The following MGAT4C variants were observed in gnomAD, a reference collection of about 807,000 sequenced individuals.
The protein encoded by MGAT4C is alpha-1,3-mannosyl-glycoprotein 4-beta-N-acetylglucosaminyltransferase C.
A neutral mutation model predicts 40.1 loss-of-function variants in MGAT4C; 19 were observed. The observed-to-expected ratio is 0.47, with a 90% CI of 0.33 to 0.70. The LOEUF (loss-of-function observed/expected upper bound fraction) is 0.70. MGAT4C is among the 30% of genes least tolerant of loss of function. The pLI, the probability that MGAT4C is intolerant of heterozygous loss-of-function variation, is 0.02. For synonymous variants in MGAT4C, 181 were observed against 187.1 expected (o/e 0.97, Z 0.27); for missense variants, 491 against 563.2 (o/e 0.87, Z 1.30).
At chr12:86,078,331 C>T (rs925381452) in intron 1 of MGAT4C, among the ~76,000 whole-genome samples, 1 of 152,146 alleles carries the variant, frequency 6.6e-6, no homozygotes, top group African/African-American at 2.4e-5. Flanking sequence ...CCAGTGAATT[C>T]CATGAGCATG....
chr12:86,621,533 C>A (rs1037762108), intron 2 of MGAT4C, among the ~76,000 whole-genome samples: 2 of 152,290 alleles, frequency 1.3e-5, no homozygotes, highest in South Asian at 2.1e-4. Flanking sequence ...GGCTGGAGTG[C>A]AGTGGCATGA....
intron 2 of MGAT4C, among the ~76,000 whole-genome samples, chr12:85,999,960 C>G (rs1197034418): frequency 6.6e-6 from 1 of 152,068 alleles, no homozygotes. Flanking sequence ...AGGGTGACTA[C>G]AGCTAATAAC....
At chr12:86,188,008 G>A (rs1231121701) in intron 1 of MGAT4C, among the ~76,000 whole-genome samples, 1 of 152,092 alleles carries the variant, frequency 6.6e-6, no homozygotes, top group Non-Finnish European at 1.5e-5. Flanking sequence ...CTGAGGATGA[G>A]ATATGTGTCC....
chr12:86,673,123 C>T (rs1481166658), intron 2 of MGAT4C, among the ~76,000 whole-genome samples: 2 of 152,072 alleles, frequency 1.3e-5, no homozygotes, highest in African/African-American at 4.8e-5. Context: ...TTAAAAATTA[C>T]GTTCACATTT....
At chr12:85,993,250 G>T (rs182861558) in intron 2 of MGAT4C, among the ~76,000 whole-genome samples, 10 of 152,320 alleles carry the variant, frequency 6.6e-5, no homozygotes, top group Non-Finnish European at 1.2e-4. Context: ...AGGGAATCCT[G>T]CAAGTGGCAG....
Position 86,343,642 on chromosome 12 carries a change from G to A in MGAT4C, c.-119-9515C>T, listed in dbSNP as rs527778501. The stretch of plus-strand genomic sequence containing the variant: ...TAAAACCGAAAGACAAACCTCACCT[G>A]GATTCCAGATACATACATGAAGATA... On this transcript the variant is annotated intron_variant, in intron 3 of 7. Transcript: ENST00000548651. Among the ~76,000 whole-genome samples the A allele has an allele frequency of 5.9e-5, 9 of 152,112 alleles. No individual in the cohort carries two copies. The East Asian group carries it at 1.7e-3, about 29-fold the overall frequency.
rs938965510 is a variant in MGAT4C, at chr12:86,723,387, A to T, written c.-229+3822T>A. ...AAGAACATCAGAAATTTATTGTCTC[A>T]CAATTCTGGAGGCCAGAAGTTTGAA... On this transcript the variant is annotated intron_variant, in intron 2 of 7. Coordinates refer to the MGAT4C transcript ENST00000548651. 4.6e-5 allele frequency among the ~76,000 whole-genome samples: 7 copies of T among 152,158 alleles called. No individual in the cohort carries two copies. The South Asian group carries it at 1.2e-3, about 27-fold the overall frequency.
intron 1 of MGAT4C, among the ~76,000 whole-genome samples, chr12:86,145,530 G>A (rs566171491): frequency 8.5e-5 from 13 of 152,232 alleles, no homozygotes; most frequent in African/African-American, 3.1e-4. Context: ...TTTTTATGTT[G>A]TGAAAACATC....
At chr12:86,689,366 A>T (rs1348192693) in intron 2 of MGAT4C, among the ~76,000 whole-genome samples, 1 of 152,008 alleles carries the variant, frequency 6.6e-6, no homozygotes, top group Admixed American at 6.5e-5. Flanking sequence ...TTCATTCTCC[A>T]TCCAGTTTTT....
chr12:86,443,277 A>G (rs1453619787), intron 2 of MGAT4C, among the ~76,000 whole-genome samples: 1 of 152,088 alleles, frequency 6.6e-6, no homozygotes, highest in Non-Finnish European at 1.5e-5. Context: ...GTTTCATGTT[A>G]TTACACAGGT....
intron 1 of MGAT4C, among the ~76,000 whole-genome samples, chr12:86,205,637 A>G (rs551012304): frequency 4.6e-5 from 7 of 152,050 alleles, no homozygotes; most frequent in African/African-American, 1.7e-4. Flanking sequence ...AATTTCCTAT[A>G]AAACTGGTTC....
chr12:86,384,936 G>A (rs1956023342), intron 3 of MGAT4C, among the ~76,000 whole-genome samples: 2 of 152,018 alleles, frequency 1.3e-5, no homozygotes, highest in South Asian at 2.1e-4. Context: ...TCTTTCAGAT[G>A]GTTAATTTCT....
intron 2 of MGAT4C, among the ~76,000 whole-genome samples, chr12:86,651,149 T>C (rs1275530227): frequency 6.6e-6 from 1 of 151,900 alleles, no homozygotes; most frequent in Non-Finnish European, 1.5e-5. Context: ...AATGGTAATA[T>C]ATTGTGTGTG....
At chr12:86,612,851 A>G (rs996798401) in intron 2 of MGAT4C, among the ~76,000 whole-genome samples, 4 of 152,050 alleles carry the variant, frequency 2.6e-5, no homozygotes, top group African/African-American at 7.2e-5. Flanking sequence ...TACATAAATT[A>G]TGATCTTGTG....
intron 2 of MGAT4C, among the ~76,000 whole-genome samples, chr12:86,520,743 T>G (rs1324152271): frequency 6.6e-6 from 1 of 152,078 alleles, no homozygotes; most frequent in Non-Finnish European, 1.5e-5. Flanking sequence ...GCACCTGTTA[T>G]TTTTTTCACT....
intron 4 of MGAT4C, among the ~76,000 whole-genome samples, chr12:86,261,501 A>T (rs1409834744): frequency 6.6e-6 from 1 of 152,074 alleles, no homozygotes; most frequent in Non-Finnish European, 1.5e-5. Context: ...TTGAATTAGT[A>T]AAAAAACATC....
At chr12:86,802,538 T>C (rs1952252209) in intron 1 of MGAT4C, among the ~76,000 whole-genome samples, 1 of 152,024 alleles carries the variant, frequency 6.6e-6, no homozygotes, top group Non-Finnish European at 1.5e-5. Flanking sequence ...AATGCTATTC[T>C]ATATTTTAAT....
chr12:86,708,495 G>T (rs1424880603), intron 2 of MGAT4C, among the ~76,000 whole-genome samples: 1 of 152,212 alleles, frequency 6.6e-6, no homozygotes, highest in African/African-American at 2.4e-5. Context: ...GCACTGCCTA[G>T]TGTAGCTGTG....
chr12:86,248,796 C>T (rs965375606), intron 1 of MGAT4C, among the ~76,000 whole-genome samples: 28 of 152,002 alleles, frequency 1.8e-4, no homozygotes, highest in Admixed American at 1.4e-3. Flanking sequence ...CTAAATATAT[C>T]GGAATCTCAC....
Sources: allele counts gnomAD v4.1 joint callset (sites outside exome capture counted in the v4.1 genomes callset), GRCh38; gene constraint gnomAD v4.1.1; transcripts MANE v1.5; gene names NCBI Gene and HGNC (gene_info 2026-07-23, HGNC 2026-07-21).